The following TLK1 variants were observed in gnomAD, a reference collection of about 807,000 sequenced individuals.
The protein encoded by TLK1 is serine/threonine-protein kinase tousled-like 1.
TLK1 carries 24 observed loss-of-function variants against 105.3 expected under a neutral mutation model. The ratio of observed to expected loss-of-function variants is 0.23; its 90% CI spans 0.17 to 0.32. The LOEUF is 0.32. Among genes scored for constraint, TLK1 ranks in the 10% least tolerant of loss-of-function variants. The pLI, the probability that TLK1 is intolerant of heterozygous loss-of-function variation, is 1.00. For missense variants in TLK1, 558 were observed against 910.5 expected, an observed-to-expected ratio of 0.61 and a Z score of 4.98; for synonymous variants, 321 against 310.4, an observed-to-expected ratio of 1.03 and a Z score of -0.36.
rs1692420809 is a variant in TLK1, at chr2:171,160,227, GC to G, written c.139+62del. On this transcript the variant is annotated intron_variant, in intron 1 of 20. Transcript: ENST00000431350. The surrounding 1 kb of genome is among the most constrained non-coding windows in gnomAD (Gnocchi z 4.4). ...CCGGGGCGGGGGGGGCGGGGGGGGGGCGCGGGGGTCCGCGGCGCGGGAGAGG... is the reference window on the plus strand; with the variant it reads ...CCGGGGCGGGGGGGGCGGGGGGGGGGGCGGGGGTCCGCGGCGCGGGAGAGG... 5 of 1,287,606 alleles carry G rather than the reference GC, an allele frequency of 3.9e-6. No individual in the cohort carries two copies. The highest frequency in any genetic ancestry group is 2.4e-5 in the South Asian group (1 of 41,494). 79.8% of individuals were successfully genotyped at this position (1,287,606 alleles called of 1,614,324 possible).
intron 12 of TLK1, among the ~76,000 whole-genome samples, chr2:171,024,222 GA>G (rs1187484724): frequency 6.6e-6 from 1 of 151,996 alleles, no homozygotes; most frequent in Non-Finnish European, 1.5e-5. Flanking sequence ...TCTATTCTAA[GA>G]ATTCCTTAAG....
chr2:171,129,842 T>TAAC (rs1305139096), intron 1 of TLK1, among the ~76,000 whole-genome samples: 1 of 149,192 alleles, frequency 6.7e-6, no homozygotes, highest in Non-Finnish European at 1.5e-5. Context: ...TAACATAACA[T>TAAC]AACATAACAT....
intron 1 of TLK1, among the ~76,000 whole-genome samples, chr2:171,126,953 T>A (rs1025679158): frequency 6.6e-6 from 1 of 151,944 alleles, no homozygotes; most frequent in South Asian, 2.1e-4. Flanking sequence ...TTTTTTTTAA[T>A]GCACTCAAAA....
chr2:171,213,206 C>A (rs1295038280), intron 1 of TLK1, among the ~76,000 whole-genome samples: 1 of 144,502 alleles, frequency 6.9e-6, no homozygotes, highest in Non-Finnish European at 1.5e-5. Context: ...CTTTTCTTTT[C>A]TTTTCTTTTT....
At chr2:171,211,783 C>T (rs951722538) in intron 1 of TLK1, among the ~76,000 whole-genome samples, 4 of 151,142 alleles carry the variant, frequency 2.6e-5, no homozygotes, top group South Asian at 4.2e-4. Context: ...CTCCTGACCT[C>T]GTGATCCACC....
At chr2:171,045,278 A>C (rs1030394706) in intron 11 of TLK1, 7 of 148,374 alleles carry the variant, frequency 4.7e-5, no homozygotes, top group Admixed American at 1.4e-4. Context: ...CCCCCAGGCT[A>C]AAGTGCAATG....
At chr2:171,012,477 A>T (rs1243214485) in intron 13 of TLK1, among the ~76,000 whole-genome samples, 2 of 151,992 alleles carry the variant, frequency 1.3e-5, no homozygotes, top group East Asian at 1.9e-4. Flanking sequence ...CTGTATTTTT[A>T]TTTATTTATT....
At chr2:171,072,102 T>G (rs1688286506) in intron 3 of TLK1, among the ~76,000 whole-genome samples, 1 of 152,218 alleles carries the variant, frequency 6.6e-6, no homozygotes, top group Admixed American at 6.5e-5. Flanking sequence ...TCTATACAAA[T>G]TTTAGAATTA....
At chr2:171,008,729 G>A (rs919008795) in intron 14 of TLK1, among the ~76,000 whole-genome samples, 1 of 152,152 alleles carries the variant, frequency 6.6e-6, no homozygotes, top group African/African-American at 2.4e-5. Context: ...GGGCTTTAAA[G>A]GGCTTAGAGA....
intron 1 of TLK1, among the ~76,000 whole-genome samples, chr2:171,127,277 CAAAA>C (rs772854408): frequency 2.0e-5 from 1 of 51,204 alleles, no homozygotes. Context: ...ACTCCCGTCT[CAAAA>C]AAAAAAAAAA....
intron 12 of TLK1, among the ~76,000 whole-genome samples, chr2:171,016,448 T>C (rs577759085): frequency 2.6e-5 from 4 of 152,292 alleles, no homozygotes; most frequent in South Asian, 4.1e-4. Context: ...ATATTTTTAG[T>C]ACGTAATTTT....
chr2:171,014,820 A>G (rs371124729), intron 13 of TLK1, 31 bp downstream of exon 13: 161 of 1,516,098 alleles, frequency 1.1e-4, no homozygotes, highest in Non-Finnish European at 1.4e-4. Flanking sequence ...TTTTAATAAT[A>G]TGAAACTGTG....
At chr2:171,102,849 C>A (rs1689749418) in intron 2 of TLK1, among the ~76,000 whole-genome samples, 2 of 151,902 alleles carry the variant, frequency 1.3e-5, no homozygotes, top group Admixed American at 6.6e-5. Flanking sequence ...AGACTGAAGT[C>A]CAGTGCTCAT....
rs546079224 is a variant in TLK1 at position 171,012,904 on chromosome 2, G to GT, written c.1335-1451dup. On this transcript the variant is annotated intron_variant, in intron 13 of 20. Transcript: ENST00000431350. The stretch of plus-strand genomic sequence containing the variant: ...TAGTTTCAAGCCACACTGTAAAGCT[G>GT]TAACAGTTGATTTTATTTTCATCAA... Among the ~76,000 whole-genome samples, 9 of 152,202 alleles carry GT rather than the reference G, an allele frequency of 5.9e-5. No homozygotes were observed. The East Asian group carries it at 1.7e-3, about 29-fold the overall frequency.
intron 1 of TLK1, among the ~76,000 whole-genome samples, chr2:171,148,892 T>A (rs75011093): frequency 0.27 from 34,114 of 125,728 alleles, 5,182 homozygotes; most frequent in Middle Eastern, 0.35. Flanking sequence ...AAAAAAAAAA[T>A]ATATATATAT....
chr2:171,185,430 T>C (rs1693009129), intron 1 of TLK1, among the ~76,000 whole-genome samples: 1 of 152,184 alleles, frequency 6.6e-6, no homozygotes, highest in Admixed American at 6.5e-5. Flanking sequence ...ATAAAAAGGA[T>C]ATTGACATAT....
intron 1 of TLK1, among the ~76,000 whole-genome samples, chr2:171,227,021 G>T (rs925803100): frequency 1.3e-5 from 2 of 152,162 alleles, no homozygotes; most frequent in African/African-American, 4.8e-5. Flanking sequence ...AACAATCAGA[G>T]AATAGTCATT....
intron 20 of TLK1, among the ~76,000 whole-genome samples, chr2:170,994,524 A>G (rs1259189858): frequency 6.9e-6 from 1 of 145,362 alleles, no homozygotes; most frequent in Non-Finnish European, 1.5e-5. Flanking sequence ...TTTTTCTTTG[A>G]GAATAGCCTC....
intron 1 of TLK1, among the ~76,000 whole-genome samples, chr2:171,139,284 G>C (rs1691471760): frequency 7.0e-6 from 1 of 141,880 alleles, no homozygotes; most frequent in Admixed American, 7.0e-5. Context: ...GTACTAGCCG[G>C]TTGCCAAAAA....
Sources: gnomAD v4.1 joint callset for allele counts (sites outside exome capture counted in the v4.1 genomes callset) on GRCh38, gnomAD v4.1.1 for gene constraint, Gnocchi (gnomAD v3.1) non-coding constraint, MANE v1.5 for transcripts, NCBI Gene and HGNC (gene_info 2026-07-23, HGNC 2026-07-21) for gene names.